The following IL4R variants were observed in gnomAD, a reference collection of about 807,000 sequenced individuals.
The protein encoded by IL4R is interleukin 4 receptor.
IL4R carries 17 observed loss-of-function variants against 41.5 expected under a neutral mutation model. The ratio of observed to expected loss-of-function variants is 0.41; its 90% CI spans 0.28 to 0.61. IL4R has a LOEUF of 0.61. Ranked by LOEUF, IL4R falls within the 20% of genes least tolerant of loss-of-function variation. IL4R has a pLI of 0.31. For synonymous variants in IL4R, 402 were observed against 422.9 expected (o/e 0.95, Z 0.61); for missense variants, 974 against 1,043.1 (o/e 0.93, Z 0.91).
At chr16:27,335,620 T>A (rs1435937591) in intron 2 of IL4R, among the ~76,000 whole-genome samples, 1 of 152,190 alleles carries the variant, frequency 6.6e-6, no homozygotes, top group African/African-American at 2.4e-5. Flanking sequence ...TTCATTTTGA[T>A]GCTCAAAATG....
At chr16:27,361,622 T>C (rs554465226) in intron 10 of IL4R, among the ~76,000 whole-genome samples, 2 of 149,752 alleles carry the variant, frequency 1.3e-5, no homozygotes, top group South Asian at 4.3e-4. Flanking sequence ...TTTTTTTTTT[T>C]TTTTTTTTTT....
intron 1 of IL4R, among the ~76,000 whole-genome samples, chr16:27,324,029 G>A (rs532034863): frequency 1.5e-4 from 23 of 152,324 alleles, no homozygotes; most frequent in African/African-American, 5.3e-4. Flanking sequence ...GTTGCACCCA[G>A]TTGGGGAGGG....
chr16:27,348,834 T>A (rs2085761846), intron 6 of IL4R, among the ~76,000 whole-genome samples: 1 of 152,072 alleles, frequency 6.6e-6, no homozygotes, highest in Non-Finnish European at 1.5e-5. Context: ...AGGAGTGGCT[T>A]CCCCAGGGGA....
At chr16:27,343,794 A>G (rs1410516459) in intron 4 of IL4R, among the ~76,000 whole-genome samples, 1 of 152,184 alleles carries the variant, frequency 6.6e-6, no homozygotes, top group Non-Finnish European at 1.5e-5. Flanking sequence ...CTCACTTATA[A>G]GTAAGAGTTA....
chr16:27,358,862 A>C, intron 8 of IL4R, 54 bp from the exon 9 acceptor site: 1 of 1,336,184 alleles, frequency 7.5e-7, no homozygotes, highest in African/African-American at 1.5e-5. Flanking sequence ...TTATGGGAGG[A>C]GCGTTCACCT....
intron 1 of IL4R, 145 bp downstream of exon 1, chr16:27,314,165 G>C (rs1596726484): frequency 2.1e-6 from 2 of 941,978 alleles, no homozygotes; most frequent in Non-Finnish European, 2.5e-6. Context: ...CGCGACTCTC[G>C]GTGCGCGCGG....
chr16:27,328,138 C>T (rs533661204), intron 1 of IL4R, among the ~76,000 whole-genome samples: 4 of 136,210 alleles, frequency 2.9e-5, no homozygotes, highest in Non-Finnish European at 6.1e-5. Flanking sequence ...TGAACCCACG[C>T]GGAGGTTGCA....
In IL4R at chr16:27,362,514, C is replaced by T. The variant is rs1567338314; in HGVS notation, c.1162C>T (p.Pro388Ser). The T allele has an allele frequency of 1.9e-6, 3 of 1,614,130 alleles. No homozygotes were observed. The highest frequency in any genetic ancestry group is 1.7e-5 in the Admixed American group (1 of 60,010). ...AGAAAAAGGGAGCTTCTGTGCATCG[C>T]CTGAGAGCAGCAGGGATGACTTCCA... ...EEEKGSFCASPESSRDDFQEG... is the reference protein window; with the variant it reads ...EEEKGSFCASSESSRDDFQEG... The change falls in exon 11 of 11, where the codon CCT becomes TCT. Residue 388 changes from proline to serine, a missense_variant. Transcript: ENST00000395762.
chr16:27,345,002 T>C lies in IL4R; in HGVS notation c.343T>C (p.Phe115Leu), dbSNP rs199703000. 4.4e-6 allele frequency: 7 copies of C among 1,606,268 alleles called. No homozygotes were observed. The highest frequency in any genetic ancestry group is 6.0e-6 in the Non-Finnish European group (7 of 1,175,486). ...GCAGCAGCTGCTGTGGAAGGGCTCCTTCAAGCCCAGCGAGCATGGTGAGCA... is the reference window on the plus strand; with the variant it reads ...GCAGCAGCTGCTGTGGAAGGGCTCCCTCAAGCCCAGCGAGCATGGTGAGCA... ...AGQQLLWKGS[F>L]KPSEHVKPRA... Residue 115 changes from phenylalanine (F) to leucine (L), a missense_variant, in exon 5 of 11, where the codon TTC becomes CTC. By Grantham distance (22) the Phe-to-Leu change is conservative (BLOSUM62 0). Around this residue, in one of 3 missense-constraint regions of IL4R, gnomAD observed 284 missense variants for 313.4 expected, o/e 0.91. Transcript: ENST00000395762. This position sits in a 1 kb window ranked among gnomAD's most constrained non-coding sequence, Gnocchi z 4.5.
chr16:27,352,815 TCC>T, intron 7 of IL4R, 119 bp downstream of exon 7: 14 of 1,015,568 alleles, frequency 1.4e-5, no homozygotes, highest in Non-Finnish European at 1.8e-5. Flanking sequence ...CTAATGGCAA[TCC>T]TGCCATTAGA....
At position 27,363,934 on chromosome 16, in the gene IL4R, A is replaced by G; in HGVS notation, c.*104A>G. ...GCAGCCAGGCTGGCAGATTTCCAAAAGACTTGAAGAACCATGGTATGAAGG... is the reference window on the plus strand; with the variant it reads ...GCAGCCAGGCTGGCAGATTTCCAAAGGACTTGAAGAACCATGGTATGAAGG... On this transcript the variant is annotated 3_prime_UTR_variant, in exon 11 of 11. Transcript: ENST00000395762. The G allele has an allele frequency of 1.1e-5, 15 of 1,342,408 alleles. No individual in the cohort carries two copies. The highest frequency in any genetic ancestry group is 1.5e-5 in the Non-Finnish European group (15 of 985,932). The allele number at this position is 1,342,408 out of a possible 1,614,324, so 83.2% of individuals were successfully genotyped here. A position where few individuals can be genotyped will look rare whatever the true frequency, so the allele number is the denominator to read the frequency against.
chr16:27,358,816 C>G (rs2141207432), intron 8 of IL4R, 100 bp from the exon 9 acceptor site: 1 of 860,394 alleles, frequency 1.2e-6, no homozygotes, highest in East Asian at 2.5e-5. Flanking sequence ...AGCCTGATCT[C>G]TGATGCCAAA....
rs115326390 is a variant in IL4R, at chr16:27,342,304, A to G, written c.209+45A>G. The G allele has an allele frequency of 1.4e-3, 2,271 of 1,612,254 alleles. 22 individuals carry two copies. In the African/African-American group the frequency reaches 0.026, roughly 19 times the overall value. On this transcript the variant is annotated intron_variant, in intron 4 of 10. Coordinates refer to ENST00000395762, the MANE Select transcript of IL4R (RefSeq NM_000418.4). ...GGAGGTTTGGGGAGGTTGTGCCCAA[A>G]GGGTTTGCCCCAAGAGTGAGCTGGG...
chr16:27,314,175 G>C, intron 1 of IL4R, 155 bp downstream of exon 1: 1 of 912,182 alleles, frequency 1.1e-6, no homozygotes, highest in Non-Finnish European at 1.3e-6. Flanking sequence ...GGTGCGCGCG[G>C]AGCAGCGCCC....
In IL4R at chr16:27,345,109, G is replaced by T. The variant is rs1156946562; in HGVS notation, c.361+89G>T. On this transcript the variant is annotated intron_variant, in intron 5 of 10. Transcript: ENST00000395762. This position sits in a 1 kb window ranked among gnomAD's most constrained non-coding sequence, Gnocchi z 4.5. ...TGGGGTGGGCAGGGGAGGAGGTGGG[G>T]TCATAGCAACAGCAGGAGGAAGCCG... 3 of 1,234,040 alleles carry T rather than the reference G, an allele frequency of 2.4e-6. No individual in the cohort carries two copies. The highest frequency in any genetic ancestry group is 2.3e-6 in the Non-Finnish European group (2 of 859,836). The allele number at this position is 1,234,040 out of a possible 1,614,324, so 76.4% of individuals were successfully genotyped here.
At chr16:27,325,751 G>A (rs750753186) in intron 1 of IL4R, among the ~76,000 whole-genome samples, 2 of 151,912 alleles carry the variant, frequency 1.3e-5, no homozygotes, top group Non-Finnish European at 2.9e-5. Flanking sequence ...CTGTATGTCG[G>A]GCCCCTCCCC....
rs1401393642 is a variant in IL4R at position 27,345,845 on chromosome 16, G to A, written c.362-622G>A. Among the ~76,000 whole-genome samples the A allele has an allele frequency of 2.0e-5, 3 of 152,066 alleles. No individual in the cohort carries two copies. The highest frequency in any genetic ancestry group is 4.4e-5 in the Non-Finnish European group (3 of 68,024). Reference sequence around the variant, plus strand: ...AAATTAGTCTGGCATGGTGGCAGGCGCCTGTAATCCCAGCTACTTGGGAGG... The same window carrying A: ...AAATTAGTCTGGCATGGTGGCAGGCACCTGTAATCCCAGCTACTTGGGAGG... On this transcript the variant is annotated intron_variant, in intron 5 of 10. Transcript: ENST00000395762. The surrounding 1 kb of genome is among the most constrained non-coding windows in gnomAD (Gnocchi z 4.5).
chr16:27,355,748 A>G (rs983092767), intron 7 of IL4R, 60 bp from the exon 8 acceptor site: 114 of 1,213,058 alleles, frequency 9.4e-5, no homozygotes, highest in Non-Finnish European at 1.3e-4. Context: ...AGTCCTGGGA[A>G]GTGGAGCCCA....
Position 27,363,122 on chromosome 16 carries a change from T to G in IL4R, c.1770T>G (p.Ser590Arg), listed in dbSNP as rs2086364154. ...TGGAGCAGGGTGGCACCCAGGCCAG[T>G]GCGGTGGTGGGCTTGGGTCCCCCAG... Reference protein sequence around the residue: ...HAVEQGGTQASAVVGLGPPGE... With the variant: ...HAVEQGGTQARAVVGLGPPGE... Residue 590 changes from serine to arginine, a missense_variant, in exon 11 of 11, where the codon AGT becomes AGG. This residue lies in a region of IL4R where 682 missense variants were observed against 704.3 expected (regional missense o/e 0.97). Transcript: ENST00000395762. 1 of 1,613,872 alleles carries G rather than the reference T, an allele frequency of 6.2e-7. No individual in the cohort carries two copies. The highest frequency in any genetic ancestry group is 1.3e-5 in the African/African-American group (1 of 74,914).
Sources: allele counts gnomAD v4.1 joint callset (sites outside exome capture counted in the v4.1 genomes callset), GRCh38; gene constraint gnomAD v4.1.1; regional missense constraint gnomAD v4.1.1; non-coding constraint Gnocchi (gnomAD v3.1); transcripts MANE v1.5; gene names NCBI Gene and HGNC (gene_info 2026-07-23, HGNC 2026-07-21).